The following KRT73 variants were observed in gnomAD, a reference collection of about 807,000 sequenced individuals.
KRT73 encodes keratin 73.
KRT73 carries 44 observed loss-of-function variants against 47.2 expected under a neutral mutation model. The observed-to-expected ratio is 0.93, with a 90% CI of 0.73 to 1.20. KRT73 has a LOEUF of 1.20. KRT73 is among the 50% of genes most tolerant of loss of function. The pLI is 0.00. For synonymous variants in KRT73, 285 were observed against 291.3 expected (o/e 0.98, Z 0.22); for missense variants, 713 against 704.5 (o/e 1.01, Z -0.14).
At chr12:52,623,510 G>C (rs533898084), upstream of KRT73, among the ~76,000 whole-genome samples, 28 of 152,100 alleles carry the variant, frequency 1.8e-4, no homozygotes, top group South Asian at 5.6e-3. Context: ...AATGATAAAA[G>C]AAGACAACTT....
chr12:52,619,366 C>T (rs2120886469), upstream of KRT73, among the ~76,000 whole-genome samples: 1 of 152,318 alleles, frequency 6.6e-6, no homozygotes, highest in Non-Finnish European at 1.5e-5. Context: ...GGTGATGATC[C>T]ACATTACACA....
the KRT73 span, among the ~76,000 whole-genome samples, chr12:52,627,979 A>G: frequency 6.6e-6 from 1 of 152,194 alleles, no homozygotes; most frequent in African/African-American, 2.4e-5. Context: ...AACAATACTC[A>G]GGGAAGATCT....
upstream of KRT73, among the ~76,000 whole-genome samples, chr12:52,622,222 AT>A (rs1259473674): frequency 6.6e-6 from 1 of 152,250 alleles, no homozygotes; most frequent in African/African-American, 2.4e-5. Context: ...CACAATAAAC[AT>A]GCTTAAATGA....
chr12:52,630,475 AG>A, the KRT73 span, among the ~76,000 whole-genome samples: 1 of 151,926 alleles, frequency 6.6e-6, no homozygotes, highest in Non-Finnish European at 1.5e-5. Context: ...GGTGTCTTGC[AG>A]GGCAGCACTG....
At chr12:52,619,252 T>C (rs532423759), upstream of KRT73, among the ~76,000 whole-genome samples, 26 of 152,316 alleles carry the variant, frequency 1.7e-4, no homozygotes, top group African/African-American at 5.3e-4. Flanking sequence ...ATTATGGTCA[T>C]TGCACCATTC....
chr12:52,622,248 G>A (rs1940918997), upstream of KRT73, among the ~76,000 whole-genome samples: 1 of 152,072 alleles, frequency 6.6e-6, no homozygotes, highest in Non-Finnish European at 1.5e-5. Flanking sequence ...CTAAGAACAT[G>A]CTAAATAGAT....
At position 52,618,182 on chromosome 12, in the gene KRT73, C is replaced by T. The variant is rs745876076; in HGVS notation, c.343G>A (p.Ala115Thr). 2.5e-6 allele frequency: 4 copies of T among 1,613,992 alleles called. No individual in the cohort carries two copies. In the South Asian group the frequency reaches 4.4e-5, roughly 18 times the overall value. The change falls in exon 1 of 9, where the codon GCA (alanine) becomes ACA (threonine). Residue 115 changes from alanine to threonine, a missense_variant. Physicochemically the swap from Ala to Thr is moderately conservative, Grantham distance 58. Coordinates refer to ENST00000305748, the MANE Select transcript of KRT73 (RefSeq NM_175068.3). ...HQVTINKSLL[A>T]PLNVELDPEI... The stretch of plus-strand genomic sequence containing the variant: ...GGGTCCAGCTCCACGTTCAGGGGTG[C>T]CAGGAGGCTCTTGTTGATGGTGACC...
intron 1 of KRT73, among the ~76,000 whole-genome samples, chr12:52,617,566 G>C (rs1940838042): frequency 6.6e-6 from 1 of 152,146 alleles, no homozygotes; most frequent in South Asian, 2.1e-4. Flanking sequence ...GCTTTCAGGG[G>C]ACACAGGAGG....
At chr12:52,621,470 C>G (rs1263936937), upstream of KRT73, among the ~76,000 whole-genome samples, 1 of 152,198 alleles carries the variant, frequency 6.6e-6, no homozygotes, top group East Asian at 1.9e-4. Context: ...GACTCTGAAG[C>G]GTAGAGAAGA....
Position 52,618,428 on chromosome 12 carries a change from G to C in KRT73, c.97C>G (p.Arg33Gly). 3 of 1,614,096 alleles carry C rather than the reference G, an allele frequency of 1.9e-6. No individual in the cohort carries two copies. The highest frequency in any genetic ancestry group is 2.5e-6 in the Non-Finnish European group (3 of 1,180,014). The change falls in exon 1 of 9, where the codon CGA becomes GGA. Residue 33 changes from arginine to glycine, a missense_variant. Physicochemically the swap from Arg to Gly is moderately radical, Grantham distance 125. Coordinates refer to ENST00000305748, the MANE Select transcript of KRT73 (RefSeq NM_175068.3). ...CCACTGAGCCCTTTGCCCCCTGCTC[G>C]GTAGGAGGATGAGCTGCCCCCTGAG... ...VLSGGSSSSY[R>G]AGGKGLSGGF... is the part of the protein sequence containing the mutation.
intron 5 of KRT73, chr12:52,613,304 G>A: frequency 5.6e-6 from 1 of 178,832 alleles, no homozygotes; most frequent in East Asian, 1.5e-4. Flanking sequence ...AGATCACACT[G>A]AAGAGACCCC....
chr12:52,624,460 T>C, the KRT73 span, among the ~76,000 whole-genome samples: 1 of 152,078 alleles, frequency 6.6e-6, no homozygotes. Context: ...AGAATAAATA[T>C]TCTATTCAAG....
chr12:52,611,186 G>C lies in KRT73; in HGVS notation c.1110+18C>G, dbSNP rs1592242404. On this transcript the variant is annotated intron_variant, in intron 6 of 8. Coordinates refer to ENST00000305748, the MANE Select transcript of KRT73 (RefSeq NM_175068.3). ...CCCTCCCTTAGGAGTGAGTAAGGAAGGCTCCAGTCCCCTTCACCTGCTTCT... is the reference window on the plus strand; with the variant it reads ...CCCTCCCTTAGGAGTGAGTAAGGAACGCTCCAGTCCCCTTCACCTGCTTCT... 7 of 1,613,972 alleles carry C rather than the reference G, an allele frequency of 4.3e-6. No individual in the cohort carries two copies. In the East Asian group the frequency reaches 1.6e-4, roughly 36 times the overall value.
intron 4 of KRT73, chr12:52,614,108 G>A: frequency 2.3e-6 from 1 of 437,914 alleles, no homozygotes; most frequent in Non-Finnish European, 4.0e-6. Flanking sequence ...AGTGGGGAAG[G>A]TGGAAGACAA....
At chr12:52,623,689 A>G in the KRT73 span, among the ~76,000 whole-genome samples, 1 of 152,110 alleles carries the variant, frequency 6.6e-6, no homozygotes, top group African/African-American at 2.4e-5. Flanking sequence ...TTAAGAAATT[A>G]TATTATAAAT....
rs769402186 is a variant in KRT73, at chr12:52,618,407, T to G, written c.118A>C (p.Ser40Arg). The change falls in exon 1 of 9, where the codon AGT becomes CGT. Residue 40 changes from serine to arginine, a missense_variant. Physicochemically the swap from Ser to Arg is moderately radical, Grantham distance 110. Transcript: ENST00000305748. ...AGGCTCCGACTGCTGAAGCCTCCAC[T>G]GAGCCCTTTGCCCCCTGCTCGGTAG... is the stretch of plus-strand genomic sequence containing the variant. Reference protein sequence around the residue: ...SSYRAGGKGLSGGFSSRSLYS... With the variant: ...SSYRAGGKGLRGGFSSRSLYS... The G allele has an allele frequency of 1.2e-6, 2 of 1,614,192 alleles. No homozygotes were observed. The highest frequency in any genetic ancestry group is 4.5e-5 in the East Asian group (2 of 44,880).
chr12:52,618,225 C>T lies in KRT73; in HGVS notation c.300G>A (p.Pro100=), dbSNP rs374365123. ...TGGTGACCTGATGGATACCCCCGGG[C>T]GGGCACAACGACGGACACACGGACC... The part of the protein sequence containing the change: ...ALGSVCPSLC[P]PGGIHQVTIN... Residue 100 remains proline, a synonymous_variant, in exon 1 of 9, where the codon CCG becomes CCA. Coordinates refer to ENST00000305748, the MANE Select transcript of KRT73 (RefSeq NM_175068.3). 109 of 1,613,982 alleles carry T rather than the reference C, an allele frequency of 6.8e-5. No homozygotes were observed. The highest frequency in any genetic ancestry group is 8.2e-5 in the Non-Finnish European group (97 of 1,180,014).
intron 7 of KRT73, chr12:52,610,369 G>A (rs929614879): frequency 6.4e-5 from 31 of 487,116 alleles, no homozygotes; most frequent in Admixed American, 9.8e-5. Flanking sequence ...GAACCACTGC[G>A]CCTGGCCATC....
chr12:52,608,071 G>T lies in KRT73; in HGVS notation c.*125C>A. The T allele has an allele frequency of 1.0e-6, 1 of 978,006 alleles. No homozygotes were observed. Among genetic ancestry groups the T allele is most frequent in the Non-Finnish European group, 1.5e-6 (1 of 660,750 alleles). 60.6% of individuals were successfully genotyped at this position (978,006 alleles called of 1,614,324 possible). ...GCAGAGAGGTCAAGGAGAAGGAGGA[G>T]AGGTCCACAGCAAAGCAAAGCAAGA... is the stretch of plus-strand genomic sequence containing the variant. On this transcript the variant is annotated 3_prime_UTR_variant, in exon 9 of 9. Transcript: ENST00000305748.
Sources: allele counts gnomAD v4.1 joint callset (sites outside exome capture counted in the v4.1 genomes callset), GRCh38; gene constraint gnomAD v4.1.1; transcripts MANE v1.5; gene names NCBI Gene and HGNC (gene_info 2026-07-23, HGNC 2026-07-21).